The following B4GALNT2 variants were observed in gnomAD, a reference collection of about 807,000 sequenced individuals.
B4GALNT2 encodes N-acetylneuraminylgalactosylglucosyl-glucoside beta-1,4-N- acetylgalactosaminyltransferase 2.
B4GALNT2 carries 42 observed loss-of-function variants against 51.1 expected under a neutral mutation model. The ratio of observed to expected loss-of-function variants is 0.82; its 90% confidence interval spans 0.64 to 1.06. The LOEUF (loss-of-function observed/expected upper bound fraction) is 1.06, where lower values mean the gene tolerates loss of function less well. Among genes scored for constraint, B4GALNT2 ranks in the 50% least tolerant of loss-of-function variants. The pLI is 0.00. For missense variants in B4GALNT2, 602 were observed against 633.6 expected, an observed-to-expected ratio of 0.95 and a Z score of 0.54; for synonymous variants, 253 against 251.7, an observed-to-expected ratio of 1.01 and a Z score of -0.05.
intron 3 of B4GALNT2, among the ~76,000 whole-genome samples, chr17:49,144,829 A>C (rs531383737): frequency 6.6e-6 from 1 of 152,282 alleles, no homozygotes; most frequent in South Asian, 2.1e-4. Flanking sequence ...ACATGATCAC[A>C]AGGTCCCACA....
the B4GALNT2 span, among the ~76,000 whole-genome samples, chr17:49,125,641 C>T: frequency 1.3e-5 from 2 of 148,666 alleles, no homozygotes; most frequent in East Asian, 2.0e-4. Flanking sequence ...TGCCCGGCCG[C>T]GGCCCCGTCT....
the B4GALNT2 span, among the ~76,000 whole-genome samples, chr17:49,125,567 C>T: frequency 6.6e-5 from 10 of 152,082 alleles, no homozygotes; most frequent in South Asian, 1.9e-3. Context: ...CGCCGCCATC[C>T]GGTCTGGGAG....
In B4GALNT2 at chr17:49,173,022, G is replaced by A. The variant is rs2042966933; in HGVS notation, c.*3294G>A. The A allele has an allele frequency of 6.6e-6, 1 of 152,242 alleles. No individual in the cohort carries two copies. Among genetic ancestry groups the A allele is most frequent in the African/African-American group, 2.4e-5 (1 of 41,474 alleles). The allele number at this position is 152,242 out of a possible 1,614,324, so 9.4% of individuals were successfully genotyped here. A position where few individuals can be genotyped will look rare whatever the true frequency, so the allele number is the denominator to read the frequency against. On this transcript the variant is annotated 3_prime_UTR_variant, in exon 11 of 11. Transcript: ENST00000393354. ...TCTTTCCAGGTAATGCCGTATCTGT[G>A]TTTGAGACCAGAGGCATTAACATAG...
At chr17:49,147,350 T>G (rs1249583119) in intron 3 of B4GALNT2, among the ~76,000 whole-genome samples, 2 of 151,894 alleles carry the variant, frequency 1.3e-5, no homozygotes, top group Non-Finnish European at 2.9e-5. Context: ...TTGTTTTCTT[T>G]TTCTTTATTC....
chr17:49,155,835 C>T (rs1226181082), intron 4 of B4GALNT2, among the ~76,000 whole-genome samples: 1 of 151,628 alleles, frequency 6.6e-6, no homozygotes, highest in African/African-American at 2.4e-5. Context: ...GCCATTCTCC[C>T]GCTCAGCCTC....
At chr17:49,155,322 G>T (rs1387754592) in intron 4 of B4GALNT2, among the ~76,000 whole-genome samples, 1 of 134,476 alleles carries the variant, frequency 7.4e-6, no homozygotes, top group East Asian at 2.2e-4. Context: ...AAAAAAAAAG[G>T]ACTGGTGCAG....
At chr17:49,126,638 T>C in the B4GALNT2 span, among the ~76,000 whole-genome samples, 1 of 136,354 alleles carries the variant, frequency 7.3e-6, no homozygotes, top group African/African-American at 2.8e-5. Context: ...ATTTCTTTTT[T>C]TTTCTTTCTT....
the B4GALNT2 span, among the ~76,000 whole-genome samples, chr17:49,125,959 A>G: frequency 2.0e-5 from 3 of 147,372 alleles, no homozygotes; most frequent in Non-Finnish European, 3.0e-5. Flanking sequence ...CTGGGAAGTG[A>G]GGAGCCCCTC....
the B4GALNT2 span, among the ~76,000 whole-genome samples, chr17:49,121,750 G>A: frequency 6.6e-6 from 1 of 152,150 alleles, no homozygotes; most frequent in Non-Finnish European, 1.5e-5. Context: ...TCACCATTGG[G>A]GGAAGCTATC....
At position 49,151,477 on chromosome 17, in the gene B4GALNT2, G is replaced by A. The variant is rs116817565; in HGVS notation, c.354-1323G>A. On this transcript the variant is annotated intron_variant, in intron 3 of 10. Coordinates refer to ENST00000393354, the MANE Select transcript of B4GALNT2 (RefSeq NM_001159387.2). ...TAAAGATTGTTATTGGCCGGGTGTG[G>A]TGGCTAACATTTGTAATCCCAGCAC... 9.4e-3 allele frequency among the ~76,000 whole-genome samples: 1,427 copies of A among 152,058 alleles called. 43 individuals carry two copies. The highest frequency in any genetic ancestry group is 0.033 in the African/African-American group (1,360 of 41,398).
intron 1 of B4GALNT2, among the ~76,000 whole-genome samples, chr17:49,138,014 GC>G (rs982251378): frequency 6.6e-6 from 1 of 152,116 alleles, no homozygotes; most frequent in Non-Finnish European, 1.5e-5. Flanking sequence ...AATCAGATAG[GC>G]CCCACTTTCA....
At chr17:49,128,159 T>C (rs1404868114), upstream of B4GALNT2, among the ~76,000 whole-genome samples, 1 of 152,162 alleles carries the variant, frequency 6.6e-6, no homozygotes, top group Non-Finnish European at 1.5e-5. Context: ...GGGATTTTCA[T>C]AGAAAGATCC....
At position 49,150,669 on chromosome 17, in the gene B4GALNT2, T is replaced by A. The variant is rs556754868; in HGVS notation, c.354-2131T>A. 4.6e-3 allele frequency among the ~76,000 whole-genome samples: 703 copies of A among 151,370 alleles called. 3 individuals are homozygous for A. The Middle Eastern group carries it at 0.055, about 12-fold the overall frequency. On this transcript the variant is annotated intron_variant, in intron 3 of 10. Coordinates refer to ENST00000393354, the MANE Select transcript of B4GALNT2 (RefSeq NM_001159387.2). ...AACATGTGCTGTGTCCACTCAGGGT[T>A]AAATGGATTAAGGGCGGTGCAAGAT...
At chr17:49,120,464 TTGTGTGTGTGTGTGTGTGTCTG>T in the B4GALNT2 span, among the ~76,000 whole-genome samples, 2 of 142,154 alleles carry the variant, frequency 1.4e-5, no homozygotes, top group African/African-American at 5.3e-5. Context: ...GAGGAGTCTT[TTGTGTGTGTGTGTGTGTGTCTG>T]TGTGTGTGTG....
chr17:49,120,867 G>A, the B4GALNT2 span, among the ~76,000 whole-genome samples: 6 of 152,064 alleles, frequency 3.9e-5, no homozygotes, highest in African/African-American at 1.4e-4. Context: ...TAAGCTTCAC[G>A]CCTCACTGAG....
At chr17:49,159,985 G>A (rs2042847693) in intron 6 of B4GALNT2, among the ~76,000 whole-genome samples, 1 of 151,850 alleles carries the variant, frequency 6.6e-6, no homozygotes, top group African/African-American at 2.4e-5. Context: ...AAATTCTAGG[G>A]AGAACAATCC....
chr17:49,121,769 G>C, the B4GALNT2 span, among the ~76,000 whole-genome samples: 1 of 152,178 alleles, frequency 6.6e-6, no homozygotes, highest in Non-Finnish European at 1.5e-5. Flanking sequence ...TCCTCAGACT[G>C]ACCCCAGACA....
At chr17:49,141,024 T>C (rs766987255) in intron 1 of B4GALNT2, among the ~76,000 whole-genome samples, 2 of 138,762 alleles carry the variant, frequency 1.4e-5, no homozygotes, top group Non-Finnish European at 3.3e-5. Context: ...GCCTCTAACC[T>C]TTTTTTTTTT....
At chr17:49,141,040 T>A (rs2144281458) in intron 1 of B4GALNT2, among the ~76,000 whole-genome samples, 1 of 151,744 alleles carries the variant, frequency 6.6e-6, no homozygotes, top group East Asian at 1.9e-4. Flanking sequence ...TTTTTCTGGA[T>A]TTTTTTGCCA....
Sources: allele counts gnomAD v4.1 joint callset (sites outside exome capture counted in the v4.1 genomes callset), GRCh38; gene constraint gnomAD v4.1.1; transcripts MANE v1.5; gene names NCBI Gene and HGNC (gene_info 2026-07-23, HGNC 2026-07-21).